CDH12: variants seen among roughly 807,000 people sequenced by gnomAD.
CDH12 encodes the protein cadherin 12.
Under a neutral mutation model 74.1 loss-of-function variants are expected in CDH12, and 41 were observed. The observed-to-expected ratio is 0.55, with a 90% confidence interval of 0.43 to 0.72. CDH12 has a LOEUF of 0.72. CDH12 is among the 30% of genes least tolerant of loss of function. CDH12 has a pLI of 0.00. For synonymous variants in CDH12, 399 were observed against 355.0 expected (o/e 1.12, Z -1.39); for missense variants, 945 against 977.2 (o/e 0.97, Z 0.44).
chr5:22,535,399 G>A (rs1464583429), intron 1 of CDH12, among the ~76,000 whole-genome samples: 3 of 151,824 alleles, frequency 2.0e-5, no homozygotes, highest in Admixed American at 1.3e-4. Flanking sequence ...CTCGTGATCC[G>A]CCCGCCTTGG....
At chr5:22,831,351 T>TTGTGTG (rs1554007029) in intron 1 of CDH12, among the ~76,000 whole-genome samples, 6,117 of 138,492 alleles carry the variant, frequency 0.044, 205 homozygotes, top group Admixed American at 0.079. Flanking sequence ...GTTTTGGAGT[T>TTGTGTG]TGTGTGTGTG....
intron 4 of CDH12, among the ~76,000 whole-genome samples, chr5:22,152,661 A>G (rs1424969632): frequency 6.6e-6 from 1 of 152,200 alleles, no homozygotes; most frequent in Non-Finnish European, 1.5e-5. Flanking sequence ...ACATTTTCCA[A>G]GAATACAATA....
At chr5:22,312,688 C>T (rs1738445292) in intron 3 of CDH12, among the ~76,000 whole-genome samples, 1 of 152,032 alleles carries the variant, frequency 6.6e-6, no homozygotes, top group African/African-American at 2.4e-5. Flanking sequence ...CTTTCTGTTC[C>T]CTACCAAACA....
Position 21,827,258 on chromosome 5 carries a change from G to T in CDH12, c.815-10126C>A, listed in dbSNP as rs1195347123. Among the ~76,000 whole-genome samples the T allele has an allele frequency of 2.0e-5, 3 of 152,064 alleles. No individual in the cohort carries two copies. In the East Asian group the frequency reaches 5.8e-4, roughly 29 times the overall value. On this transcript the variant is annotated intron_variant, in intron 8 of 14. Transcript: ENST00000382254. ...GATCCATAAGATCTTTTAAAATTCA[G>T]AAAATTCAAAATTCTTAATTTTAGC...
At chr5:22,795,128 G>C (rs1220433779) in intron 1 of CDH12, among the ~76,000 whole-genome samples, 1 of 151,978 alleles carries the variant, frequency 6.6e-6, no homozygotes, top group African/African-American at 2.4e-5. Flanking sequence ...GGCTCTTTTG[G>C]AATTATTTCA....
At chr5:22,839,851 C>G (rs1290793121) in intron 1 of CDH12, among the ~76,000 whole-genome samples, 1 of 152,038 alleles carries the variant, frequency 6.6e-6, no homozygotes, top group South Asian at 2.1e-4. Context: ...GCTAAATATT[C>G]GATGCAAAAA....
At chr5:22,326,900 G>A (rs1382734378) in intron 3 of CDH12, among the ~76,000 whole-genome samples, 2 of 152,126 alleles carry the variant, frequency 1.3e-5, no homozygotes, top group Admixed American at 6.5e-5. Context: ...GCCTGATTGT[G>A]AAAATATTTT....
At chr5:22,438,739 T>C (rs2126537040) in intron 2 of CDH12, among the ~76,000 whole-genome samples, 1 of 152,088 alleles carries the variant, frequency 6.6e-6, no homozygotes, top group South Asian at 2.1e-4. Flanking sequence ...CAAAGTATAA[T>C]GTAAAAATAA....
At chr5:22,343,448 C>T (rs549443841) in intron 3 of CDH12, among the ~76,000 whole-genome samples, 1 of 152,054 alleles carries the variant, frequency 6.6e-6, no homozygotes, top group Admixed American at 6.6e-5. Context: ...GACGGAGTCT[C>T]GCTCTGTCAC....
rs1476011674 is a variant in CDH12 at position 22,529,182 on chromosome 5, TATATATAG to T, written c.-522-23826_-522-23819del. On this transcript the variant is annotated intron_variant, in intron 1 of 14. Transcript: ENST00000382254. ...ACACATGTGTATATATATATATATATATATATAGAGAGAGAGAGAGAGAGAGAGAGAGA... is the reference window on the plus strand; with the variant it reads ...ACACATGTGTATATATATATATATATAGAGAGAGAGAGAGAGAGAGAGAGA... 4.7e-3 allele frequency among the ~76,000 whole-genome samples: 450 copies of T among 96,772 alleles called. 3 individuals carry two copies. Among genetic ancestry groups the T allele is most frequent in the African/African-American group, 0.017 (383 of 23,108 alleles). The allele number at this position is 96,772 out of a possible 152,430, so 63.5% of individuals were successfully genotyped here.
chr5:22,574,291 G>T (rs565648267), intron 1 of CDH12, among the ~76,000 whole-genome samples: 1 of 151,772 alleles, frequency 6.6e-6, no homozygotes, highest in East Asian at 2.0e-4. Flanking sequence ...TGTTGACCAG[G>T]CTTGTCTCGA....
At chr5:22,677,846 C>T (rs956127626) in intron 1 of CDH12, among the ~76,000 whole-genome samples, 1 of 152,088 alleles carries the variant, frequency 6.6e-6, no homozygotes, top group African/African-American at 2.4e-5. Flanking sequence ...TCTGGGAAGT[C>T]TGAGATCAGG....
Position 22,538,006 on chromosome 5 carries a change from A to G in CDH12, c.-522-32642T>C, listed in dbSNP as rs573469640. 3.0e-3 allele frequency among the ~76,000 whole-genome samples: 462 copies of G among 152,322 alleles called. 4 individuals are homozygous for G. The highest frequency in any genetic ancestry group is 5.0e-3 in the Non-Finnish European group (343 of 68,028). On this transcript the variant is annotated intron_variant, in intron 1 of 14. Coordinates refer to ENST00000382254, the MANE Select transcript of CDH12 (RefSeq NM_004061.5). Reference sequence around the variant, plus strand: ...AACCTTATATAGAAAAAGATGCAGCATGCAGTAAACTAGGAATTCAAGACC... The same window carrying G: ...AACCTTATATAGAAAAAGATGCAGCGTGCAGTAAACTAGGAATTCAAGACC...
At chr5:22,283,251 T>TATATATATATATAC (rs1282673054) in intron 3 of CDH12, among the ~76,000 whole-genome samples, 4 of 102,062 alleles carry the variant, frequency 3.9e-5, no homozygotes, top group African/African-American at 1.6e-4. Context: ...TATATATATA[T>TATATATATATATAC]ACACACACAC....
chr5:21,832,323 A>G (rs1365536820), intron 8 of CDH12, among the ~76,000 whole-genome samples: 2 of 152,102 alleles, frequency 1.3e-5, no homozygotes, highest in Non-Finnish European at 2.9e-5. Context: ...TGATATTAGT[A>G]ATAATAGCCA....
At chr5:22,409,595 C>T (rs1743095514) in intron 2 of CDH12, among the ~76,000 whole-genome samples, 5 of 151,944 alleles carry the variant, frequency 3.3e-5, no homozygotes, top group Admixed American at 3.3e-4. Context: ...ATGTTAACAA[C>T]CAATGGTGAG....
intron 3 of CDH12, among the ~76,000 whole-genome samples, chr5:22,270,864 T>C (rs1361379800): frequency 6.6e-6 from 1 of 151,846 alleles, no homozygotes; most frequent in African/African-American, 2.4e-5. Flanking sequence ...TTAGTACAGA[T>C]AGGGTTTCAC....
At chr5:22,757,458 A>G (rs1241688032) in intron 1 of CDH12, among the ~76,000 whole-genome samples, 1 of 152,158 alleles carries the variant, frequency 6.6e-6, no homozygotes, top group Non-Finnish European at 1.5e-5. Context: ...ATAAACTAGT[A>G]ATGGTTAGTT....
At chr5:22,331,225 T>C (rs1164808401) in intron 3 of CDH12, among the ~76,000 whole-genome samples, 1 of 152,276 alleles carries the variant, frequency 6.6e-6, no homozygotes, top group African/African-American at 2.4e-5. Flanking sequence ...CCCTGGGTCC[T>C]GGGGGAGCTT....
Sources: allele counts gnomAD v4.1 joint callset (sites outside exome capture counted in the v4.1 genomes callset), GRCh38; gene constraint gnomAD v4.1.1; transcripts MANE v1.5; gene names NCBI Gene and HGNC (gene_info 2026-07-23, HGNC 2026-07-21).